Variants in FYTTD1 observed in about 807,000 individuals in gnomAD.
FYTTD1 encodes forty-two-three domain containing 1.
FYTTD1 carries 22 observed loss-of-function variants against 40.9 expected under a neutral mutation model. The observed-to-expected ratio is 0.54, with a 90% CI of 0.38 to 0.77. The LOEUF (loss-of-function observed/expected upper bound fraction) is 0.77. Among genes scored for constraint, FYTTD1 ranks in the 30% least tolerant of loss-of-function variants. The pLI, the probability that FYTTD1 is intolerant of heterozygous loss-of-function variation, is 0.00. For synonymous variants in FYTTD1, 140 were observed against 137.9 expected, an observed-to-expected ratio of 1.01 and a Z score of -0.10; for missense variants, 351 against 392.2, an observed-to-expected ratio of 0.90 and a Z score of 0.89.
At position 197,786,584 on chromosome 3, in the gene FYTTD1, C is replaced by T. The variant is rs1018515257; in HGVS notation, c.*4675C>T. The T allele has an allele frequency of 3.9e-5, 6 of 152,146 alleles. No homozygotes were observed. The highest frequency in any genetic ancestry group is 3.9e-4 in the Admixed American group (6 of 15,266). 9.4% of individuals were successfully genotyped at this position (152,146 alleles called of 1,614,324 possible). ...AGTGTGCATATTTAATTTCTACTTA[C>T]TCCATTTCCCTTTAATGAGAAAAGA... On this transcript the variant is annotated 3_prime_UTR_variant, in exon 9 of 9. Transcript: ENST00000241502.
chr3:197,749,935 C>A lies in FYTTD1; in HGVS notation c.-37C>A. 2 of 1,448,202 alleles carry A rather than the reference C, an allele frequency of 1.4e-6. No individual in the cohort carries two copies. Among genetic ancestry groups the A allele is most frequent in the South Asian group, 1.2e-5 (1 of 80,606 alleles). The allele number at this position is 1,448,202 out of a possible 1,614,324, so 89.7% of individuals were successfully genotyped here. A position where few individuals can be genotyped will look rare whatever the true frequency, so the allele number is the denominator to read the frequency against. On this transcript the variant is annotated 5_prime_UTR_variant, in exon 1 of 9. Coordinates refer to ENST00000241502, the MANE Select transcript of FYTTD1 (RefSeq NM_032288.7). ...GAGGTGGCAGGCCTGCGACTCCGGC[C>A]TTGTCCGCGCCCGCTCTCGGCGCGA...
intron 6 of FYTTD1, among the ~76,000 whole-genome samples, chr3:197,776,327 C>T (rs1266313286): frequency 6.6e-6 from 1 of 151,170 alleles, no homozygotes; most frequent in African/African-American, 2.4e-5. Context: ...GCCTCAGCCT[C>T]CTGAGTAGCT....
intron 2 of FYTTD1, among the ~76,000 whole-genome samples, chr3:197,757,526 G>A (rs1333187116): frequency 6.6e-6 from 1 of 152,200 alleles, no homozygotes; most frequent in Non-Finnish European, 1.5e-5. Flanking sequence ...AGTGGCTTAT[G>A]CCTGTAATCC....
At chr3:197,759,723 G>C (rs1392830386) in intron 2 of FYTTD1, among the ~76,000 whole-genome samples, 3 of 150,380 alleles carry the variant, frequency 2.0e-5, no homozygotes, top group African/African-American at 7.4e-5. Flanking sequence ...CTCAGTGGTA[G>C]AACGTATAGC....
chr3:197,774,803 C>T (rs1182028556), intron 6 of FYTTD1, among the ~76,000 whole-genome samples: 1 of 151,630 alleles, frequency 6.6e-6, no homozygotes, highest in African/African-American at 2.4e-5. Context: ...AGCAGCATAG[C>T]TCGATCGCCA....
intron 2 of FYTTD1, among the ~76,000 whole-genome samples, chr3:197,764,626 G>A (rs979833328): frequency 6.0e-5 from 9 of 150,494 alleles, no homozygotes; most frequent in East Asian, 2.0e-4. Flanking sequence ...GGAGAATGGT[G>A]TGAACCCGGG....
intron 3 of FYTTD1, 126 bp downstream of exon 3, chr3:197,768,713 A>G (rs1560497386): frequency 1.5e-6 from 1 of 647,248 alleles, no homozygotes; most frequent in Admixed American, 3.8e-5. Context: ...ATATAAAAAA[A>G]TTTAATATCT....
intron 1 of FYTTD1, chr3:197,755,774 C>T (rs1729196200): frequency 6.5e-7 from 1 of 1,549,774 alleles, no homozygotes; most frequent in African/African-American, 1.4e-5. Flanking sequence ...AGGTGTGAGT[C>T]ACCATGCCTG....
intron 2 of FYTTD1, among the ~76,000 whole-genome samples, chr3:197,764,740 C>A (rs1729491388): frequency 6.7e-6 from 1 of 149,002 alleles, no homozygotes; most frequent in Admixed American, 6.6e-5. Context: ...GGAGGCAACA[C>A]CTTGGATAAG....
intron 2 of FYTTD1, among the ~76,000 whole-genome samples, chr3:197,760,944 T>C (rs1357972909): frequency 6.8e-6 from 1 of 146,502 alleles, no homozygotes; most frequent in Non-Finnish European, 1.5e-5. Flanking sequence ...TGGTAGAATG[T>C]ATAGAGTGTT....
At position 197,783,701 on chromosome 3, in the gene FYTTD1, T is replaced by C. The variant is rs982683789; in HGVS notation, c.*1792T>C. On this transcript the variant is annotated 3_prime_UTR_variant, in exon 9 of 9. Coordinates refer to ENST00000241502, the MANE Select transcript of FYTTD1 (RefSeq NM_032288.7). ...TTTTAGTCTGATTTAGAATTACTGG[T>C]AGCTTATTTTAAAGCAAGGAAAAGC... 6.6e-6 allele frequency: 1 copy of C among 152,348 alleles called. No homozygotes were observed. Among genetic ancestry groups the C allele is most frequent in the African/African-American group, 2.4e-5 (1 of 41,456 alleles). The allele number at this position is 152,348 out of a possible 1,614,324, so 9.4% of individuals were successfully genotyped here.
In FYTTD1 at chr3:197,764,373, A is replaced by G. The variant is rs556661957; in HGVS notation, c.236-4066A>G. Among the ~76,000 whole-genome samples, 9 of 152,310 alleles carry G rather than the reference A, an allele frequency of 5.9e-5. No homozygotes were observed. The South Asian group carries it at 1.9e-3, about 32-fold the overall frequency. ...GATACAGCTAATGAAGTTTGTTCAA[A>G]GGTAGAAAGGTGGGAGAACGAATCA... On this transcript the variant is annotated intron_variant, in intron 2 of 8. Transcript: ENST00000241502.
At chr3:197,760,397 C>T (rs1729345784) in intron 2 of FYTTD1, among the ~76,000 whole-genome samples, 4 of 151,142 alleles carry the variant, frequency 2.6e-5, no homozygotes, top group Admixed American at 2.6e-4. Flanking sequence ...TAGAGTTGTT[C>T]TTCAGTGGTA....
intron 1 of FYTTD1, among the ~76,000 whole-genome samples, chr3:197,751,355 C>T (rs1325316915): frequency 6.6e-6 from 1 of 152,200 alleles, no homozygotes; most frequent in East Asian, 1.9e-4. Context: ...AATGAGAAAG[C>T]TGGGGCTGGG....
intron 1 of FYTTD1, 120 bp downstream of exon 1, chr3:197,750,194 G>A: frequency 2.2e-6 from 2 of 906,626 alleles, no homozygotes; most frequent in Non-Finnish European, 3.1e-6. Flanking sequence ...TCTCGCTGGT[G>A]GGCGGACCCG....
At chr3:197,760,199 T>TTGTTCCTCAGTGGTACAACGTATTGGG (rs137989586) in intron 2 of FYTTD1, among the ~76,000 whole-genome samples, 1 of 151,404 alleles carries the variant, frequency 6.6e-6, no homozygotes, top group Admixed American at 6.6e-5. Flanking sequence ...ACATATCGAG[T>TTGTTCCTCAGTGGTACAACGTATTGGG]TGTTCCTCAG....
rs546191994 is a variant in FYTTD1, at chr3:197,750,788, G to A, written c.103+714G>A. On this transcript the variant is annotated intron_variant, in intron 1 of 8. Transcript: ENST00000241502. ...GGGGGAGAAAGCAAACATCTTTGAAGGAGAGATGATTGCTGTGGCTCGCTG... is the reference window on the plus strand; with the variant it reads ...GGGGGAGAAAGCAAACATCTTTGAAAGAGAGATGATTGCTGTGGCTCGCTG... 1.4e-4 allele frequency: 139 copies of A among 985,570 alleles called. No homozygotes were observed. In the African/African-American group the frequency reaches 2.4e-3, roughly 17 times the overall value. 61.1% of individuals were successfully genotyped at this position (985,570 alleles called of 1,614,324 possible).
intron 8 of FYTTD1, among the ~76,000 whole-genome samples, chr3:197,779,628 T>A (rs1729968419): frequency 7.1e-6 from 1 of 141,432 alleles, no homozygotes; most frequent in East Asian, 2.3e-4. Flanking sequence ...CCTCCCAGAC[T>A]CAAACGATCC....
chr3:197,775,841 G>A (rs1729859872), intron 6 of FYTTD1, among the ~76,000 whole-genome samples: 1 of 152,192 alleles, frequency 6.6e-6, no homozygotes, highest in African/African-American at 2.4e-5. Flanking sequence ...ACATAATTGT[G>A]ATCATATAAA....
Sources: allele counts gnomAD v4.1 joint callset (sites outside exome capture counted in the v4.1 genomes callset), GRCh38; gene constraint gnomAD v4.1.1; transcripts MANE v1.5; gene names NCBI Gene and HGNC (gene_info 2026-07-23, HGNC 2026-07-21).